GLI2: variants seen among roughly 807,000 people sequenced by gnomAD.
GLI2 encodes GLI family zinc finger 2, also known as transcription activator GLI2.
Under a neutral mutation model 78.9 loss-of-function variants are expected in GLI2, and 22 were observed. The observed-to-expected ratio is 0.28, with a 90% CI of 0.20 to 0.40. The LOEUF is 0.40. GLI2 is among the 10% of genes least tolerant of loss of function. The pLI is 1.00. For missense variants in GLI2, 2,097 were observed against 2,213.2 expected (o/e 0.95, Z 1.05); for synonymous variants, 974 against 963.7 (o/e 1.01, Z -0.20).
chr2:120,803,890 CA>C (rs766001270), intron 2 of GLI2, among the ~76,000 whole-genome samples: 15 of 152,296 alleles, frequency 9.8e-5, no homozygotes, highest in East Asian at 3.9e-4. Flanking sequence ...TCAAGAGTCT[CA>C]GGGGGGGAGA....
chr2:120,912,460 G>T (rs571306408), intron 2 of GLI2, among the ~76,000 whole-genome samples: 6 of 152,046 alleles, frequency 3.9e-5, no homozygotes, highest in Non-Finnish European at 8.8e-5. Flanking sequence ...TCTTCCCACG[G>T]ATTCATGGAC....
In GLI2 at chr2:120,872,350, G is replaced by C. The variant is rs1320565447; in HGVS notation, c.149-55011G>C. 2.6e-5 allele frequency among the ~76,000 whole-genome samples: 4 copies of C among 152,220 alleles called. No homozygotes were observed. The East Asian group carries it at 7.7e-4, about 29-fold the overall frequency. ...CTGGAATTAACCAGCTTACAGTGGG[G>C]TCCCCTGGAATGGTGCACTCCCCAG... On this transcript the variant is annotated intron_variant, in intron 2 of 13. Transcript: ENST00000361492.
chr2:120,869,705 C>A (rs1235340934), intron 2 of GLI2, among the ~76,000 whole-genome samples: 2 of 152,154 alleles, frequency 1.3e-5, no homozygotes, highest in African/African-American at 4.8e-5. Flanking sequence ...TTTGGCAATA[C>A]CAAAGGCATA....
chr2:120,893,526 G>T (rs1007353220), intron 2 of GLI2, among the ~76,000 whole-genome samples: 2 of 152,120 alleles, frequency 1.3e-5, no homozygotes, highest in African/African-American at 4.8e-5. Context: ...ACCAGGAATT[G>T]TAAGTCTTAC....
At chr2:120,854,914 T>G (rs755973348) in intron 2 of GLI2, among the ~76,000 whole-genome samples, 2 of 152,186 alleles carry the variant, frequency 1.3e-5, no homozygotes, top group Non-Finnish European at 2.9e-5. Flanking sequence ...AAGCCTCTGG[T>G]TCAGCCCAGG....
chr2:120,992,050 A>ACACACCCCCC lies in GLI2; in HGVS notation c.*1376_*1377insACACCCCCCC, dbSNP rs1553480327. 8.8e-5 allele frequency: 13 copies of ACACACCCCCC among 146,900 alleles called. No individual in the cohort carries two copies. The highest frequency in any genetic ancestry group is 1.5e-4 in the Non-Finnish European group (10 of 67,406). The allele number at this position is 146,900 out of a possible 1,614,324, so 9.1% of individuals were successfully genotyped here. ...CACACACACACACACACACACACAC[A>ACACACCCCCC]CCCCAAACCTTTTCATGGGGAATGT... On this transcript the variant is annotated 3_prime_UTR_variant, in exon 14 of 14. Transcript: ENST00000361492.
chr2:120,897,216 C>G (rs1366678495), intron 2 of GLI2, among the ~76,000 whole-genome samples: 1 of 152,236 alleles, frequency 6.6e-6, no homozygotes, highest in Non-Finnish European at 1.5e-5. Flanking sequence ...GCAAACTCCC[C>G]GTGTTGACTT....
intron 8 of GLI2, among the ~76,000 whole-genome samples, chr2:120,974,257 G>A (rs942188637): frequency 2.6e-5 from 4 of 152,018 alleles, no homozygotes; most frequent in Non-Finnish European, 4.4e-5. Flanking sequence ...CCTGTGCCCC[G>A]ACCCCAGGCA....
chr2:120,880,885 T>C (rs1409783743), intron 2 of GLI2, among the ~76,000 whole-genome samples: 1 of 152,190 alleles, frequency 6.6e-6, no homozygotes, highest in African/African-American at 2.4e-5. Flanking sequence ...GCATAGCATC[T>C]ACCTAGCTAC....
At position 120,841,433 on chromosome 2, in the gene GLI2, TGA is replaced by T. The variant is rs1686864322; in HGVS notation, c.148+43966_148+43967del. 2.6e-5 allele frequency among the ~76,000 whole-genome samples: 4 copies of T among 152,360 alleles called. No individual in the cohort carries two copies. In the South Asian group the frequency reaches 8.3e-4, roughly 32 times the overall value. On this transcript the variant is annotated intron_variant, in intron 2 of 13. Transcript: ENST00000361492. ...CCATCCTGCACGCTGCTCTGCTGTGTGATCTCTGCAGGACACTTGACCATTTT... is the reference window on the plus strand; with the variant it reads ...CCATCCTGCACGCTGCTCTGCTGTGTTCTCTGCAGGACACTTGACCATTTT...
intron 1 of GLI2, among the ~76,000 whole-genome samples, chr2:120,760,171 G>A (rs1046104409): frequency 1.3e-5 from 2 of 152,156 alleles, no homozygotes; most frequent in Non-Finnish European, 2.9e-5. Context: ...CCTGGCCCCC[G>A]TGGGCCTCAG....
chr2:120,745,239 G>A (rs1682659648), intron 1 of GLI2, among the ~76,000 whole-genome samples: 1 of 152,154 alleles, frequency 6.6e-6, no homozygotes, highest in South Asian at 2.1e-4. Flanking sequence ...AGTGTCCCTG[G>A]GATGCCTCCT....
At chr2:120,923,551 A>G (rs934280494) in intron 2 of GLI2, among the ~76,000 whole-genome samples, 1 of 152,026 alleles carries the variant, frequency 6.6e-6, no homozygotes, top group African/African-American at 2.4e-5. Context: ...CAACACACGC[A>G]TACAGCACAC....
chr2:120,870,293 C>T lies in GLI2; in HGVS notation c.149-57068C>T, dbSNP rs185959220. Among the ~76,000 whole-genome samples the T allele has an allele frequency of 5.7e-3, 864 of 152,292 alleles. 12 individuals are homozygous for T. Among genetic ancestry groups the T allele is most frequent in the African/African-American group, 0.019 (807 of 41,546 alleles). ...GTTTTAGGGACCAAAACAAGGTCTG[C>T]AGCAGTGTTTCCATGGAACTGCCTT... is the stretch of plus-strand genomic sequence containing the variant. On this transcript the variant is annotated intron_variant, in intron 2 of 13. Coordinates refer to ENST00000361492, the MANE Select transcript of GLI2 (RefSeq NM_001374353.1).
chr2:120,853,990 A>G (rs1267635712), intron 2 of GLI2, among the ~76,000 whole-genome samples: 1 of 152,026 alleles, frequency 6.6e-6, no homozygotes, highest in Non-Finnish European at 1.5e-5. Flanking sequence ...CCCCGAGCCC[A>G]TTTTTGTCTC....
intron 2 of GLI2, among the ~76,000 whole-genome samples, chr2:120,818,144 G>A (rs1376551817): frequency 6.6e-6 from 1 of 152,226 alleles, no homozygotes; most frequent in Non-Finnish European, 1.5e-5. Flanking sequence ...GGGCCTTGCA[G>A]AGAGGTGGTG....
intron 2 of GLI2, among the ~76,000 whole-genome samples, chr2:120,898,527 A>G (rs996742090): frequency 6.6e-6 from 1 of 152,050 alleles, no homozygotes; most frequent in African/African-American, 2.4e-5. Flanking sequence ...GGAAATGAAC[A>G]TTTATGGAGC....
At chr2:120,851,630 G>C (rs1306947451) in intron 2 of GLI2, among the ~76,000 whole-genome samples, 1 of 152,220 alleles carries the variant, frequency 6.6e-6, no homozygotes, top group Non-Finnish European at 1.5e-5. Context: ...CAGACTGAAA[G>C]GCCCCACCAG....
chr2:120,980,654 T>G (rs956705116), intron 10 of GLI2, among the ~76,000 whole-genome samples: 1 of 152,266 alleles, frequency 6.6e-6, no homozygotes, highest in African/African-American at 2.4e-5. Context: ...ATTTTTTAAT[T>G]GCTTGTGCTT....
Sources: gnomAD v4.1 joint callset for allele counts (sites outside exome capture counted in the v4.1 genomes callset) on GRCh38, gnomAD v4.1.1 for gene constraint, MANE v1.5 for transcripts, NCBI Gene and HGNC (gene_info 2026-07-23, HGNC 2026-07-21) for gene names.